Variants in THSD4 observed in about 807,000 individuals in gnomAD.
The protein encoded by THSD4 is thrombospondin type-1 domain-containing protein 4.
In THSD4, 69 loss-of-function variants were observed where a neutral mutation model predicts 119.0. The observed-to-expected ratio is 0.58, with a 90% CI of 0.48 to 0.71. THSD4 has a LOEUF of 0.71. Among genes scored for constraint, THSD4 ranks in the 30% least tolerant of loss-of-function variants. The pLI is 0.00. For missense variants in THSD4, 1,393 were observed against 1,391.1 expected (o/e 1.00, Z -0.02); for synonymous variants, 524 against 540.4 (o/e 0.97, Z 0.42).
chr15:71,215,643 G>C (rs763445733), intron 4 of THSD4, among the ~76,000 whole-genome samples: 2 of 152,204 alleles, frequency 1.3e-5, no homozygotes, highest in Non-Finnish European at 2.9e-5. Context: ...TCAAAGCCAG[G>C]CTAATTCTGA....
chr15:71,350,214 G>C (rs1041022212), intron 6 of THSD4, among the ~76,000 whole-genome samples: 2 of 150,122 alleles, frequency 1.3e-5, no homozygotes, highest in African/African-American at 2.5e-5. Context: ...ACTTCATTAA[G>C]TTGAACTCAG....
chr15:71,260,398 A>G (rs2044377469), intron 6 of THSD4, among the ~76,000 whole-genome samples: 1 of 152,204 alleles, frequency 6.6e-6, no homozygotes, highest in Non-Finnish European at 1.5e-5. Flanking sequence ...TTATCAGCCC[A>G]TGACCAATCT....
chr15:71,595,921 C>G (rs184914739), intron 7 of THSD4, among the ~76,000 whole-genome samples: 1 of 152,182 alleles, frequency 6.6e-6, no homozygotes, highest in African/African-American at 2.4e-5. Flanking sequence ...CTATGCACAT[C>G]GATTTGACTG....
intron 4 of THSD4, among the ~76,000 whole-genome samples, chr15:71,223,547 G>A (rs2043991863): frequency 6.6e-6 from 1 of 152,184 alleles, no homozygotes; most frequent in African/African-American, 2.4e-5. Flanking sequence ...CTGGATCTCA[G>A]GGCTTAATAG....
intron 6 of THSD4, among the ~76,000 whole-genome samples, chr15:71,325,388 T>A (rs1293812974): frequency 6.6e-6 from 1 of 152,160 alleles, no homozygotes; most frequent in Non-Finnish European, 1.5e-5. Flanking sequence ...TGCCAACCAG[T>A]CCTGAAGCTG....
intron 6 of THSD4, among the ~76,000 whole-genome samples, chr15:71,382,713 C>T (rs1452258510): frequency 6.6e-6 from 1 of 152,012 alleles, no homozygotes; most frequent in East Asian, 1.9e-4. Flanking sequence ...ACTTTAATTT[C>T]TCATGGAATA....
At chr15:71,164,755 T>G in intron 3 of THSD4, 5 of 1,587,438 alleles carry the variant, frequency 3.1e-6, no homozygotes, top group Non-Finnish European at 4.3e-6. Context: ...AAAAAAAAAC[T>G]GCGCTAGAAC....
intron 6 of THSD4, among the ~76,000 whole-genome samples, chr15:71,366,624 C>G (rs900646644): frequency 2.6e-5 from 4 of 152,190 alleles, no homozygotes; most frequent in Admixed American, 2.0e-4. Flanking sequence ...GGGTCAGTCA[C>G]TTTCTCATGG....
intron 7 of THSD4, among the ~76,000 whole-genome samples, chr15:71,571,313 A>T (rs796662962): frequency 2.6e-5 from 4 of 152,062 alleles, no homozygotes; most frequent in African/African-American, 9.6e-5. Flanking sequence ...GGCTTCCCTG[A>T]GGGGTAGAAT....
chr15:71,201,226 G>A (rs2043801242), intron 3 of THSD4, among the ~76,000 whole-genome samples: 1 of 152,078 alleles, frequency 6.6e-6, no homozygotes, highest in South Asian at 2.1e-4. Context: ...AGGGCCAGGA[G>A]GATGAGGGCT....
chr15:71,775,718 AT>A lies in THSD4; in HGVS notation c.2915-1513del, dbSNP rs1268654975. On this transcript the variant is annotated intron_variant, in intron 17 of 17. Transcript: ENST00000261862. ...ACAGCGAGACTCCGTCTCAAAAAAA[AT>A]AAAATAAATAAAATAAAATAAATAG... Among the ~76,000 whole-genome samples the A allele has an allele frequency of 2.0e-5, 3 of 152,262 alleles. No homozygotes were observed. The East Asian group carries it at 5.8e-4, about 29-fold the overall frequency.
chr15:71,376,298 T>C (rs568836508), intron 6 of THSD4, among the ~76,000 whole-genome samples: 1 of 152,336 alleles, frequency 6.6e-6, no homozygotes, highest in Non-Finnish European at 1.5e-5. Context: ...CTTCTGATCT[T>C]CATGCTCTGA....
At chr15:71,408,334 A>G (rs2046635698) in intron 6 of THSD4, among the ~76,000 whole-genome samples, 1 of 152,116 alleles carries the variant, frequency 6.6e-6, no homozygotes, top group Admixed American at 6.5e-5. Flanking sequence ...CTGGGCTCAA[A>G]GGATCCTCTC....
In THSD4 at chr15:71,102,319, C is replaced by T. The variant is rs187913476; in HGVS notation, c.-80+5313C>T. On this transcript the variant is annotated intron_variant, in intron 1 of 17. Coordinates refer to the THSD4 transcript ENST00000355327. ...TTTCTTAAAATATTTTTTTCCCATT[C>T]AACATCCTTTTTCTTTTCCTTCTAG... is the stretch of plus-strand genomic sequence containing the variant. Among the ~76,000 whole-genome samples the T allele has an allele frequency of 2.8e-4, 42 of 152,170 alleles. 1 individual carries two copies. In the East Asian group the frequency reaches 5.2e-3, roughly 19 times the overall value.
At chr15:71,590,073 A>C (rs1445416622) in intron 7 of THSD4, among the ~76,000 whole-genome samples, 4 of 139,458 alleles carry the variant, frequency 2.9e-5, no homozygotes, top group African/African-American at 1.0e-4. Flanking sequence ...ATGAATGCCA[A>C]ATTGAAGATA....
intron 8 of THSD4, among the ~76,000 whole-genome samples, chr15:71,707,546 A>G (rs2052417860): frequency 6.6e-6 from 1 of 152,162 alleles, no homozygotes; most frequent in South Asian, 2.1e-4. Flanking sequence ...TTTAGCTCCA[A>G]TCTCGGTAAC....
At chr15:71,491,036 G>A (rs1298368848) in intron 7 of THSD4, among the ~76,000 whole-genome samples, 1 of 152,124 alleles carries the variant, frequency 6.6e-6, no homozygotes, top group Non-Finnish European at 1.5e-5. Flanking sequence ...ATTTTTGTGT[G>A]CATGTATGGT....
At chr15:71,589,917 TAAG>T (rs1251195177) in intron 7 of THSD4, among the ~76,000 whole-genome samples, 6 of 139,310 alleles carry the variant, frequency 4.3e-5, no homozygotes, top group African/African-American at 1.3e-4. Flanking sequence ...TGGACACAAA[TAAG>T]AAATCAAATG....
At chr15:71,547,776 C>CATA in intron 7 of THSD4, 1 of 209,200 alleles carries the variant, frequency 4.8e-6, no homozygotes. Context: ...CCTGCTGTAG[C>CATA]AGAAAAAAAA....
Sources: gnomAD v4.1 joint callset for allele counts (sites outside exome capture counted in the v4.1 genomes callset) on GRCh38, gnomAD v4.1.1 for gene constraint, MANE v1.5 for transcripts, NCBI Gene and HGNC (gene_info 2026-07-23, HGNC 2026-07-21) for gene names.